CORIN: variants seen among roughly 807,000 people sequenced by gnomAD.
CORIN encodes the protein atrial natriuretic peptide-converting enzyme.
In CORIN, 117 loss-of-function variants were observed where a neutral mutation model predicts 125.3. The ratio of observed to expected loss-of-function variants is 0.93; its 90% CI spans 0.80 to 1.09. CORIN has a LOEUF of 1.09. Among genes scored for constraint, CORIN ranks in the 50% least tolerant of loss-of-function variants. CORIN has a pLI of 0.00. For synonymous variants in CORIN, 450 were observed against 466.4 expected, an observed-to-expected ratio of 0.96 and a Z score of 0.45; for missense variants, 1,253 against 1,306.7, an observed-to-expected ratio of 0.96 and a Z score of 0.63.
At chr4:47,611,305 T>A (rs917789485) in intron 19 of CORIN, among the ~76,000 whole-genome samples, 4 of 152,200 alleles carry the variant, frequency 2.6e-5, no homozygotes, top group Non-Finnish European at 5.9e-5. Flanking sequence ...TGAAGAGGTC[T>A]TCACTTCTCT....
chr4:47,662,136 G>C (rs1724278635), intron 11 of CORIN, among the ~76,000 whole-genome samples: 1 of 152,152 alleles, frequency 6.6e-6, no homozygotes, highest in Non-Finnish European at 1.5e-5. Context: ...TCTCTACACT[G>C]CCTTTCTCAT....
chr4:47,722,492 T>C (rs1389735135), intron 5 of CORIN, among the ~76,000 whole-genome samples: 1 of 151,808 alleles, frequency 6.6e-6, no homozygotes, highest in Non-Finnish European at 1.5e-5. Context: ...ACATCTGGAG[T>C]TCCAAACACA....
intron 5 of CORIN, among the ~76,000 whole-genome samples, chr4:47,743,756 G>A (rs1728527592): frequency 6.6e-6 from 1 of 152,120 alleles, no homozygotes; most frequent in Admixed American, 6.5e-5. Context: ...ATGATGGCGT[G>A]CACCTATAAT....
At chr4:47,802,192 G>T (rs1014620962) in intron 2 of CORIN, among the ~76,000 whole-genome samples, 1 of 152,186 alleles carries the variant, frequency 6.6e-6, no homozygotes, top group Non-Finnish European at 1.5e-5. Context: ...CCTAGCTGTG[G>T]TGGCTATGGT....
chr4:47,720,296 T>G (rs1727287657), intron 5 of CORIN, among the ~76,000 whole-genome samples: 1 of 152,226 alleles, frequency 6.6e-6, no homozygotes, highest in African/African-American at 2.4e-5. Flanking sequence ...TGGACTTATT[T>G]TCAGTGCAAA....
chr4:47,653,298 G>A (rs942374157), intron 13 of CORIN, among the ~76,000 whole-genome samples: 1 of 152,092 alleles, frequency 6.6e-6, no homozygotes, highest in Non-Finnish European at 1.5e-5. Flanking sequence ...TGGGGGTCCT[G>A]GAACATATCC....
chr4:47,769,308 A>G (rs994081573), intron 3 of CORIN, among the ~76,000 whole-genome samples: 2 of 152,146 alleles, frequency 1.3e-5, no homozygotes, highest in African/African-American at 4.8e-5. Context: ...ATACTTAGGA[A>G]TAAATTTAAC....
chr4:47,812,097 A>G (rs781310956), intron 1 of CORIN, among the ~76,000 whole-genome samples: 4 of 152,228 alleles, frequency 2.6e-5, no homozygotes, highest in Non-Finnish European at 4.4e-5. Flanking sequence ...ATATAATTGT[A>G]CAGGGGGTAA....
intron 3 of CORIN, among the ~76,000 whole-genome samples, chr4:47,779,897 T>C (rs897779816): frequency 2.0e-5 from 3 of 152,218 alleles, no homozygotes; most frequent in Admixed American, 6.5e-5. Flanking sequence ...TCGGTCCATG[T>C]CTAGTTATCA....
At chr4:47,745,130 T>C (rs1728602669) in intron 4 of CORIN, among the ~76,000 whole-genome samples, 1 of 152,244 alleles carries the variant, frequency 6.6e-6, no homozygotes, top group Non-Finnish European at 1.5e-5. Context: ...TTCAGATTTC[T>C]AGTCTGTCAT....
intron 13 of CORIN, among the ~76,000 whole-genome samples, chr4:47,646,816 A>C (rs758491644): frequency 3.9e-5 from 6 of 152,244 alleles, no homozygotes; most frequent in Non-Finnish European, 8.8e-5. Context: ...GAAGTTTCTT[A>C]AACAATGTTA....
At chr4:47,837,853 T>A (rs751308851) in intron 1 of CORIN, 34 bp downstream of exon 1, 1 of 1,592,248 alleles carries the variant, frequency 6.3e-7, no homozygotes. Flanking sequence ...CCATCACACC[T>A]GGCTGCGGTA....
intron 19 of CORIN, among the ~76,000 whole-genome samples, chr4:47,616,917 G>A (rs1368801130): frequency 6.6e-6 from 1 of 152,196 alleles, no homozygotes; most frequent in East Asian, 1.9e-4. Flanking sequence ...AACTTTAGGA[G>A]TAAAGTCTTT....
In CORIN at chr4:47,723,971, G is replaced by A. The variant is rs567501221; in HGVS notation, c.799+20431C>T. Among the ~76,000 whole-genome samples, 81 of 142,834 alleles carry A rather than the reference G, an allele frequency of 5.7e-4. 1 individual carries two copies. Among genetic ancestry groups the A allele is most frequent in the African/African-American group, 1.9e-3 (72 of 37,480 alleles). 93.7% of individuals were successfully genotyped at this position (142,834 alleles called of 152,430 possible). A position where few individuals can be genotyped will look rare whatever the true frequency, so the allele number is the denominator to read the frequency against. On this transcript the variant is annotated intron_variant, in intron 5 of 21. Coordinates refer to ENST00000273857, the MANE Select transcript of CORIN (RefSeq NM_006587.4). ...AGATCGCGCCACAGCACTCCAGCCT[G>A]GACGACAGAGTGAGACTCCATCTCA... is the stretch of plus-strand genomic sequence containing the variant.
chr4:47,727,264 G>C (rs561372360), intron 5 of CORIN, among the ~76,000 whole-genome samples: 1 of 152,022 alleles, frequency 6.6e-6, no homozygotes, highest in Admixed American at 6.5e-5. Flanking sequence ...CTATGCCCAT[G>C]TGTTTAATCA....
chr4:47,608,464 TG>T (rs1560470410), intron 19 of CORIN, among the ~76,000 whole-genome samples: 1 of 152,172 alleles, frequency 6.6e-6, no homozygotes, highest in Admixed American at 6.5e-5. Context: ...ACATCTGAAG[TG>T]CAAAGAACTT....
chr4:47,811,833 T>G (rs938916037), intron 1 of CORIN, among the ~76,000 whole-genome samples: 1 of 152,350 alleles, frequency 6.6e-6, no homozygotes, highest in African/African-American at 2.4e-5. Context: ...ATATTCTGTC[T>G]ATACTGCTCT....
At chr4:47,670,813 C>A (rs1331906702) in intron 10 of CORIN, among the ~76,000 whole-genome samples, 1 of 152,178 alleles carries the variant, frequency 6.6e-6, no homozygotes, top group African/African-American at 2.4e-5. Flanking sequence ...CTGCTCCTAC[C>A]CTCAAAGGCA....
intron 15 of CORIN, 127 bp from the exon 16 acceptor site, chr4:47,642,176 G>T: frequency 1.1e-6 from 1 of 948,440 alleles, no homozygotes; most frequent in Non-Finnish European, 1.5e-6. Context: ...ATCATTTGAT[G>T]TGTACCTACC....
Sources: allele counts gnomAD v4.1 joint callset (sites outside exome capture counted in the v4.1 genomes callset), GRCh38; gene constraint gnomAD v4.1.1; transcripts MANE v1.5; gene names NCBI Gene and HGNC (gene_info 2026-07-23, HGNC 2026-07-21).